Variants in ATP8B4 observed in about 807,000 individuals in gnomAD.
ATP8B4 encodes the protein ATPase phospholipid transporting 8B4 (putative), also known as probable phospholipid-transporting ATPase IM.
ATP8B4 carries 133 observed loss-of-function variants against 145.6 expected under a neutral mutation model. The observed-to-expected ratio is 0.91, with a 90% CI of 0.79 to 1.05. The LOEUF (loss-of-function observed/expected upper bound fraction) is 1.05. ATP8B4 is among the 50% of genes least tolerant of loss of function. The pLI is 0.00. For synonymous variants in ATP8B4, 507 were observed against 492.9 expected (o/e 1.03, Z -0.38); for missense variants, 1,458 against 1,425.2 (o/e 1.02, Z -0.37).
In ATP8B4 at chr15:49,972,713, G is replaced by T. The variant is rs77004004; in HGVS notation, c.1112C>A (p.Pro371His). 1,109 of 1,613,930 alleles carry T rather than the reference G, an allele frequency of 6.9e-4. 9 individuals are homozygous for T. The African/African-American group carries it at 0.014, about 20-fold the overall frequency. The change falls in exon 13 of 28, where the codon CCT (proline) becomes CAT (histidine). Residue 371 changes from proline (P) to histidine (H), a missense_variant. Physicochemically the swap from Pro to His is moderately conservative, Grantham distance 77. Transcript: ENST00000284509. Reference protein sequence around the residue: ...RKMYYSRKAIPAVARTTTLNE... With the variant: ...RKMYYSRKAIHAVARTTTLNE... ...GAGCGTGGTCGTTCGAGCCACTGCA[G>T]GTATTGCTTTTCGAGAATAATACAT...
intron 3 of ATP8B4, among the ~76,000 whole-genome samples, chr15:50,056,022 G>A (rs972554298): frequency 3.3e-5 from 5 of 152,028 alleles, no homozygotes; most frequent in African/African-American, 1.2e-4. Flanking sequence ...GCTCTTCTAC[G>A]AACGCTGCTG....
At chr15:50,009,942 T>C (rs774521522) in intron 7 of ATP8B4, among the ~76,000 whole-genome samples, 5 of 152,268 alleles carry the variant, frequency 3.3e-5, no homozygotes, top group Middle Eastern at 6.8e-3. Flanking sequence ...GTAGTCTCCT[T>C]AGTGTGGGTT....
chr15:50,014,425 G>A (rs1456420959), intron 6 of ATP8B4, among the ~76,000 whole-genome samples: 2 of 152,166 alleles, frequency 1.3e-5, no homozygotes, highest in African/African-American at 2.4e-5. Flanking sequence ...AAATTAAGGA[G>A]TATAGAATCA....
chr15:49,889,495 C>T (rs2036566350), intron 23 of ATP8B4, among the ~76,000 whole-genome samples: 1 of 152,194 alleles, frequency 6.6e-6, no homozygotes. Context: ...CTGAAGTTAA[C>T]CAGAGGAAAG....
chr15:49,879,187 T>C (rs545373915), intron 24 of ATP8B4, among the ~76,000 whole-genome samples, 189 bp downstream of exon 24: 7 of 152,222 alleles, frequency 4.6e-5, no homozygotes, highest in Non-Finnish European at 7.4e-5. Context: ...ATAATGCTTT[T>C]GGGGAAGCTA....
At chr15:49,901,880 A>T in intron 20 of ATP8B4, 1 of 394,314 alleles carries the variant, frequency 2.5e-6, no homozygotes, top group East Asian at 7.7e-5. Context: ...GAAAAAAACT[A>T]GACACCAAAA....
chr15:50,167,204 A>G lies in ATP8B4; in HGVS notation c.-43+15057T>C, dbSNP rs79292731. Among the ~76,000 whole-genome samples, 498 of 152,312 alleles carry G rather than the reference A, an allele frequency of 3.3e-3. 1 individual carries two copies. The highest frequency in any genetic ancestry group is 0.011 in the African/African-American group (476 of 41,556). On this transcript the variant is annotated intron_variant, in intron 1 of 3. Transcript: ENST00000558829. Reference sequence around the variant, plus strand: ...TTTGAAACACAATGTGGTTTAGCATATTAGTTTCCTAGGGCTACTGTAACA... The same window carrying G: ...TTTGAAACACAATGTGGTTTAGCATGTTAGTTTCCTAGGGCTACTGTAACA...
chr15:49,873,680 T>C (rs899342264), intron 25 of ATP8B4, among the ~76,000 whole-genome samples: 6 of 152,194 alleles, frequency 3.9e-5, no homozygotes, highest in African/African-American at 1.4e-4. Context: ...TTTGTGTTTT[T>C]AGGGCAGAGG....
chr15:50,162,607 C>A (rs931565152), intron 1 of ATP8B4, among the ~76,000 whole-genome samples: 2 of 151,976 alleles, frequency 1.3e-5, no homozygotes, highest in Admixed American at 6.6e-5. Context: ...CCCAGGTTCA[C>A]GCCATTCTCC....
intron 13 of ATP8B4, among the ~76,000 whole-genome samples, chr15:49,967,203 C>T (rs189813308): frequency 2.8e-4 from 43 of 152,270 alleles, no homozygotes; most frequent in East Asian, 2.1e-3. Flanking sequence ...AAAACCAGAA[C>T]GCCTCTTCTC....
chr15:50,020,393 C>T (rs745335179), intron 6 of ATP8B4, among the ~76,000 whole-genome samples: 4 of 151,498 alleles, frequency 2.6e-5, no homozygotes, highest in Admixed American at 6.6e-5. Context: ...CCTCAGCCTC[C>T]CAAGCAGCTG....
At chr15:50,028,233 C>T (rs2050158243) in intron 6 of ATP8B4, among the ~76,000 whole-genome samples, 1 of 152,206 alleles carries the variant, frequency 6.6e-6, no homozygotes, top group Non-Finnish European at 1.5e-5. Context: ...ATTACTCTTA[C>T]TTTCTATGCT....
chr15:50,113,329 A>T lies in ATP8B4; in HGVS notation c.-43+5794T>A, dbSNP rs561221230. 2.0e-5 allele frequency: 3 copies of T among 152,376 alleles called. No individual in the cohort carries two copies. The East Asian group carries it at 5.8e-4, about 29-fold the overall frequency. The allele number at this position is 152,376 out of a possible 1,614,324, so 9.4% of individuals were successfully genotyped here. A position where few individuals can be genotyped will look rare whatever the true frequency, so the allele number is the denominator to read the frequency against. ...GCCTTGGGAGCTGAGACAGCGAGAG[A>T]AAAAGGAACAAGCCCAGGCTTCTGT... On this transcript the variant is annotated intron_variant, in intron 1 of 27. Coordinates refer to ENST00000284509, the MANE Select transcript of ATP8B4 (RefSeq NM_024837.4).
At chr15:50,042,372 T>C (rs1157656415) in intron 5 of ATP8B4, among the ~76,000 whole-genome samples, 2 of 152,190 alleles carry the variant, frequency 1.3e-5, no homozygotes, top group Non-Finnish European at 2.9e-5. Context: ...GTAAGATAAC[T>C]ATGAGGAAAT....
At position 50,108,891 on chromosome 15, in the gene ATP8B4, C is replaced by T. The variant is rs77663624; in HGVS notation, c.-42-1883G>A. 2.2e-4 allele frequency among the ~76,000 whole-genome samples: 34 copies of T among 152,266 alleles called. No homozygotes were observed. In the East Asian group the frequency reaches 3.7e-3, roughly 16 times the overall value. ...TCCAGCATCTAATGCCTGTCTGGCA[C>T]GTAGTAATGCTCAGTAAACACTTGT... On this transcript the variant is annotated intron_variant, in intron 1 of 27. Coordinates refer to ENST00000284509, the MANE Select transcript of ATP8B4 (RefSeq NM_024837.4).
intron 25 of ATP8B4, among the ~76,000 whole-genome samples, chr15:49,870,781 G>C (rs1430758384): frequency 6.6e-6 from 1 of 152,156 alleles, no homozygotes; most frequent in Non-Finnish European, 1.5e-5. Context: ...GACATTTTCA[G>C]GGCTTCCTAG....
intron 14 of ATP8B4, among the ~76,000 whole-genome samples, chr15:49,959,845 T>C (rs2043906525): frequency 6.6e-6 from 1 of 152,090 alleles, no homozygotes; most frequent in African/African-American, 2.4e-5. Context: ...GATAAGAAGA[T>C]TCAACATCAT....
chr15:50,059,061 C>T (rs1157533924), intron 3 of ATP8B4, among the ~76,000 whole-genome samples: 1 of 152,128 alleles, frequency 6.6e-6, no homozygotes, highest in African/African-American at 2.4e-5. Context: ...ATATCATGCA[C>T]AACGGGTTTG....
At chr15:50,123,041 C>G (rs539034312), upstream of ATP8B4, among the ~76,000 whole-genome samples, 26 of 152,258 alleles carry the variant, frequency 1.7e-4, no homozygotes, top group Admixed American at 4.6e-4. Flanking sequence ...GCACACAACC[C>G]AGCACCTGTC....
Sources: allele counts gnomAD v4.1 joint callset (sites outside exome capture counted in the v4.1 genomes callset), GRCh38; gene constraint gnomAD v4.1.1; transcripts MANE v1.5; gene names NCBI Gene and HGNC (gene_info 2026-07-23, HGNC 2026-07-21).